Variants in ZNF469 observed in about 807,000 individuals in gnomAD.
The protein encoded by ZNF469 is zinc finger protein 469.
In ZNF469, 1 loss-of-function variant was observed where a neutral mutation model predicts 1.0. That is an observed-to-expected ratio of 1.00 (90% confidence interval 0.35 to 4.73). ZNF469 has a LOEUF of 4.73. Ranked by LOEUF, ZNF469 falls within the 30% of genes most tolerant of loss-of-function variation. The probability of loss-of-function intolerance (pLI) is 0.16; values close to 1 mark genes in which losing one functional copy is unlikely to be tolerated. For synonymous variants in ZNF469, 2,703 were observed against 2,363.4 expected (o/e 1.14, Z -4.17); for missense variants, 6,100 against 5,356.3 (o/e 1.14, Z -4.33).
the ZNF469 span, among the ~76,000 whole-genome samples, chr16:88,289,993 A>G: frequency 0.45 from 67,967 of 151,980 alleles, 16,832 homozygotes; most frequent in African/African-American, 0.68. Flanking sequence ...CACAGGAGAC[A>G]CTCTGTCTGG....
chr16:88,340,068 A>C, the ZNF469 span, among the ~76,000 whole-genome samples: 2 of 152,066 alleles, frequency 1.3e-5, no homozygotes, highest in East Asian at 3.8e-4. Flanking sequence ...TGAGCCACGG[A>C]CACCAGTCCT....
At chr16:88,283,820 G>C in the ZNF469 span, among the ~76,000 whole-genome samples, 2 of 148,818 alleles carry the variant, frequency 1.3e-5, no homozygotes, top group East Asian at 2.0e-4. Flanking sequence ...GTCTGTGAAG[G>C]CTGGTAGACC....
chr16:88,292,323 G>A, the ZNF469 span, among the ~76,000 whole-genome samples: 4 of 152,170 alleles, frequency 2.6e-5, no homozygotes, highest in African/African-American at 9.7e-5. Context: ...TGGCCCAGGT[G>A]AGCCAAGGCC....
upstream of ZNF469, among the ~76,000 whole-genome samples, chr16:88,382,056 C>T (rs185304483): frequency 8.5e-5 from 13 of 152,362 alleles, no homozygotes; most frequent in African/African-American, 2.6e-4. Flanking sequence ...TGCGAAGTCC[C>T]CCCACTGCCA....
chr16:88,415,216 G>A (rs1014090764), intron 1 of ZNF469, among the ~76,000 whole-genome samples: 13 of 152,116 alleles, frequency 8.5e-5, no homozygotes, highest in Admixed American at 7.2e-4. Flanking sequence ...GGGACCCTCC[G>A]GGATCTCAGG....
chr16:88,403,859 A>C, intron 1 of ZNF469, among the ~76,000 whole-genome samples: 1 of 151,322 alleles, frequency 6.6e-6, no homozygotes, highest in Non-Finnish European at 1.5e-5. Context: ...GTCCCAGGAC[A>C]CTCCTCAGCC....
the ZNF469 span, among the ~76,000 whole-genome samples, chr16:88,355,627 C>T: frequency 6.6e-6 from 1 of 152,200 alleles, no homozygotes; most frequent in Non-Finnish European, 1.5e-5. Context: ...AGGCAGCAGT[C>T]TGCTCTGTGA....
At chr16:88,346,877 C>G in the ZNF469 span, among the ~76,000 whole-genome samples, 1 of 152,228 alleles carries the variant, frequency 6.6e-6, no homozygotes, top group Admixed American at 6.5e-5. Flanking sequence ...CATCCTCCCT[C>G]AGACTTTCTT....
At chr16:88,206,255 G>C in the ZNF469 span, among the ~76,000 whole-genome samples, 1 of 152,190 alleles carries the variant, frequency 6.6e-6, no homozygotes, top group South Asian at 2.1e-4. Context: ...CCGTGGTCCC[G>C]GCCCCTCTCC....
chr16:88,437,583 C>G lies in ZNF469; in HGVS notation c.10113C>G (p.Pro3371=), dbSNP rs778941342. 9.8e-6 allele frequency: 15 copies of G among 1,534,330 alleles called. No homozygotes were observed. In the Middle Eastern group the frequency reaches 1.5e-3, roughly 154 times the overall value. The part of the protein sequence containing the change: ...PQRVYLCPRC[P]RVYPEHGELL... ...GCGTCTACCTGTGCCCCCGGTGCCCCCGGGTCTACCCCGAGCACGGGGAGC... is the reference window on the plus strand; with the variant it reads ...GCGTCTACCTGTGCCCCCGGTGCCCGCGGGTCTACCCCGAGCACGGGGAGC... The change falls in exon 3 of 3, where the codon CCC becomes CCG. Residue 3371 remains proline, a synonymous_variant. Transcript: ENST00000565624.
At chr16:88,390,697 G>A (rs1030180718) in intron 1 of ZNF469, among the ~76,000 whole-genome samples, 2 of 152,232 alleles carry the variant, frequency 1.3e-5, no homozygotes, top group African/African-American at 4.8e-5. Flanking sequence ...CCAGCAGGTA[G>A]ACTAGGGAGA....
At chr16:88,385,376 G>A (rs942296297) in intron 1 of ZNF469, among the ~76,000 whole-genome samples, 2 of 152,060 alleles carry the variant, frequency 1.3e-5, no homozygotes, top group Non-Finnish European at 2.9e-5. Context: ...GATGGTGGCT[G>A]TGTAATCCCT....
chr16:88,437,944 C>T lies in ZNF469; in HGVS notation c.10474C>T (p.Pro3492Ser). 6.5e-7 allele frequency: 1 copy of T among 1,542,190 alleles called. No homozygotes were observed. The highest frequency in any genetic ancestry group is 8.7e-7 in the Non-Finnish European group (1 of 1,143,914). ...SAPGPGEDRP[P>S]PRGSSPILSE... is the part of the protein sequence containing the mutation. ...CCCTGGGCCCGGCGAGGACAGGCCT[C>T]CTCCCCGGGGAAGCAGCCCCATCCT... Residue 3492 changes from proline (P) to serine (S), a missense_variant, in exon 3 of 3, where the codon CCT becomes TCT. Transcript: ENST00000565624.
the ZNF469 span, among the ~76,000 whole-genome samples, chr16:88,109,578 T>C: frequency 4.3e-4 from 58 of 134,792 alleles, no homozygotes; most frequent in Admixed American, 1.5e-3. Context: ...CTGTCTCCTC[T>C]CCAGGATCAG....
chr16:88,133,864 C>T, the ZNF469 span, among the ~76,000 whole-genome samples: 2 of 152,150 alleles, frequency 1.3e-5, no homozygotes, highest in African/African-American at 4.8e-5. Context: ...GAGGCCGAGG[C>T]GGGTGGATCA....
chr16:88,305,423 C>T, the ZNF469 span, among the ~76,000 whole-genome samples: 28 of 151,010 alleles, frequency 1.9e-4, no homozygotes, highest in South Asian at 1.0e-3. Context: ...CACACATGCA[C>T]GCCCTCACAC....
At chr16:88,324,564 G>T in the ZNF469 span, among the ~76,000 whole-genome samples, 2 of 152,232 alleles carry the variant, frequency 1.3e-5, no homozygotes, top group African/African-American at 4.8e-5. Flanking sequence ...TGGAAGGCAG[G>T]TTTACTTAAG....
chr16:88,383,462 C>A (rs1292184907), intron 1 of ZNF469, among the ~76,000 whole-genome samples: 1 of 148,710 alleles, frequency 6.7e-6, no homozygotes, highest in African/African-American at 2.4e-5. Context: ...CGGGCCCGGA[C>A]GTGCGGGGCA....
chr16:88,398,813 T>C (rs1416142943), intron 1 of ZNF469, among the ~76,000 whole-genome samples: 1 of 152,224 alleles, frequency 6.6e-6, no homozygotes, highest in African/African-American at 2.4e-5. Context: ...CGGGCTGGGA[T>C]CCGTGACCAA....
Sources: gnomAD v4.1 joint callset for allele counts (sites outside exome capture counted in the v4.1 genomes callset) on GRCh38, gnomAD v4.1.1 for gene constraint, MANE v1.5 for transcripts, NCBI Gene and HGNC (gene_info 2026-07-23, HGNC 2026-07-21) for gene names.